Variants in GPC5 observed in about 807,000 individuals in gnomAD.
The protein encoded by GPC5 is glypican-5.
In GPC5, 47 loss-of-function variants were observed where a neutral mutation model predicts 53.9. The observed-to-expected ratio is 0.87, with a 90% confidence interval of 0.69 to 1.11. The LOEUF is 1.11. GPC5 is among the 50% of genes most tolerant of loss of function. GPC5 has a pLI of 0.00. For missense variants in GPC5, 748 were observed against 713.1 expected (o/e 1.05, Z -0.56); for synonymous variants, 286 against 263.3 (o/e 1.09, Z -0.84).
At chr13:92,159,405 T>C (rs1484411272) in intron 7 of GPC5, among the ~76,000 whole-genome samples, 1 of 152,062 alleles carries the variant, frequency 6.6e-6, no homozygotes, top group African/African-American at 2.4e-5. Flanking sequence ...TTTACCTCCA[T>C]CGCTAGTCTG....
chr13:91,695,154 G>T (rs552931831), intron 3 of GPC5, among the ~76,000 whole-genome samples: 136 of 152,146 alleles, frequency 8.9e-4, no homozygotes, highest in Non-Finnish European at 3.1e-4. Context: ...CATTCAGCTG[G>T]GTATCCCTAT....
chr13:92,465,994 C>T (rs773080755), intron 7 of GPC5, among the ~76,000 whole-genome samples: 3 of 151,794 alleles, frequency 2.0e-5, no homozygotes, highest in Admixed American at 6.6e-5. Context: ...ATGATTACTG[C>T]GTACACACGA....
At chr13:91,879,461 C>T (rs531991032) in intron 5 of GPC5, among the ~76,000 whole-genome samples, 7 of 152,260 alleles carry the variant, frequency 4.6e-5, no homozygotes, top group African/African-American at 1.4e-4. Flanking sequence ...TCTCACAATT[C>T]CAGGGGCTGG....
chr13:92,529,991 G>A (rs1417450435), intron 7 of GPC5, among the ~76,000 whole-genome samples: 1 of 152,126 alleles, frequency 6.6e-6, no homozygotes, highest in Admixed American at 6.6e-5. Context: ...GGCTGAGGCG[G>A]GGGAGGATGG....
At chr13:92,224,892 G>T (rs976274447) in intron 7 of GPC5, among the ~76,000 whole-genome samples, 1 of 152,036 alleles carries the variant, frequency 6.6e-6, no homozygotes, top group Non-Finnish European at 1.5e-5. Context: ...TACTTTTTAG[G>T]TTTGTTGCAG....
intron 6 of GPC5, among the ~76,000 whole-genome samples, chr13:92,082,193 T>TTA (rs1210895677): frequency 4.2e-5 from 5 of 119,830 alleles, no homozygotes; most frequent in Admixed American, 1.9e-4. Flanking sequence ...TGCTGAGACA[T>TTA]TATATATATA....
At chr13:92,204,472 C>G (rs910559955) in intron 7 of GPC5, among the ~76,000 whole-genome samples, 14 of 152,290 alleles carry the variant, frequency 9.2e-5, no homozygotes, top group African/African-American at 3.4e-4. Flanking sequence ...ACTGCCGAGT[C>G]TGCCCAGACT....
chr13:92,058,573 T>A (rs2041095140), intron 6 of GPC5, among the ~76,000 whole-genome samples: 1 of 152,158 alleles, frequency 6.6e-6, no homozygotes, highest in Admixed American at 6.5e-5. Context: ...TTTACTTATT[T>A]ATTTATTTTT....
intron 7 of GPC5, among the ~76,000 whole-genome samples, chr13:92,398,416 G>A (rs1374983429): frequency 3.2e-5 from 3 of 92,364 alleles, no homozygotes; most frequent in East Asian, 1.4e-3. Context: ...GCGACAGAGC[G>A]AGACTCCGTC....
At chr13:92,244,458 T>C (rs1210823996) in intron 7 of GPC5, among the ~76,000 whole-genome samples, 2 of 152,178 alleles carry the variant, frequency 1.3e-5, no homozygotes, top group African/African-American at 4.8e-5. Context: ...AGAGTCAATA[T>C]TCTACATTGT....
intron 5 of GPC5, among the ~76,000 whole-genome samples, chr13:91,880,824 G>T (rs1042544775): frequency 6.6e-6 from 1 of 151,992 alleles, no homozygotes; most frequent in Admixed American, 6.6e-5. Flanking sequence ...ATGGAGTTTT[G>T]ATCTTGTCCA....
intron 2 of GPC5, among the ~76,000 whole-genome samples, chr13:91,531,371 GT>G (rs77144556): frequency 0.035 from 5,293 of 151,972 alleles, 220 homozygotes; most frequent in South Asian, 0.23. Context: ...GAACATAGGG[GT>G]TTTTTTTCCT....
At position 92,361,537 on chromosome 13, in the gene GPC5, G is replaced by A. The variant is rs565676623; in HGVS notation, c.1561+216548G>A. 3.0e-4 allele frequency among the ~76,000 whole-genome samples: 46 copies of A among 151,684 alleles called. 1 individual carries two copies. Among genetic ancestry groups the A allele is most frequent in the Non-Finnish European group, 6.0e-4 (41 of 68,032 alleles). ...AGCATGAGTTGAGCGGGTAAGAAAG[G>A]TTTTTCTGTTCCCAAACACCTGTCT... is the stretch of plus-strand genomic sequence containing the variant. On this transcript the variant is annotated intron_variant, in intron 7 of 7. Coordinates refer to ENST00000377067, the MANE Select transcript of GPC5 (RefSeq NM_004466.6).
At chr13:91,539,270 AACTC>A (rs2029863651) in intron 2 of GPC5, among the ~76,000 whole-genome samples, 2 of 152,200 alleles carry the variant, frequency 1.3e-5, no homozygotes, top group African/African-American at 4.8e-5. Context: ...CAGTGATAGA[AACTC>A]ACATTCACTT....
chr13:92,433,272 G>A (rs1340687994), intron 7 of GPC5, among the ~76,000 whole-genome samples: 4 of 152,100 alleles, frequency 2.6e-5, no homozygotes, highest in African/African-American at 9.7e-5. Context: ...GAAGAAGGCA[G>A]AATATCTAGA....
At chr13:91,634,393 A>C (rs1052853357) in intron 2 of GPC5, among the ~76,000 whole-genome samples, 1 of 152,056 alleles carries the variant, frequency 6.6e-6, no homozygotes, top group African/African-American at 2.4e-5. Flanking sequence ...AAAAGATAAG[A>C]TATTAGCTTA....
In GPC5 at chr13:92,175,746, G is replaced by A. The variant is rs377238601; in HGVS notation, c.1561+30757G>A. ...TAGAAATCTTTTTATATTAGCAAGT[G>A]TGAAACCTAACTATTGCCCTTGCAA... On this transcript the variant is annotated intron_variant, in intron 7 of 7. Transcript: ENST00000377067. Among the ~76,000 whole-genome samples, 5 of 152,050 alleles carry A rather than the reference G, an allele frequency of 3.3e-5. No individual in the cohort carries two copies. In the East Asian group the frequency reaches 5.8e-4, roughly 18 times the overall value.
chr13:92,744,581 G>C (rs569574131), intron 7 of GPC5, among the ~76,000 whole-genome samples: 2 of 151,082 alleles, frequency 1.3e-5, no homozygotes, highest in Non-Finnish European at 2.9e-5. Flanking sequence ...TATCTAAAAA[G>C]AAACTGCCAA....
intron 7 of GPC5, among the ~76,000 whole-genome samples, chr13:92,487,273 A>G (rs1169416198): frequency 6.6e-6 from 1 of 152,150 alleles, no homozygotes; most frequent in African/African-American, 2.4e-5. Flanking sequence ...AAGGTGAGAA[A>G]CTGGTTTTCT....
Sources: gnomAD v4.1 joint callset for allele counts (sites outside exome capture counted in the v4.1 genomes callset) on GRCh38, gnomAD v4.1.1 for gene constraint, MANE v1.5 for transcripts, NCBI Gene and HGNC (gene_info 2026-07-23, HGNC 2026-07-21) for gene names.